Variants in PRKN observed in about 807,000 individuals in gnomAD.
PRKN encodes the protein E3 ubiquitin-protein ligase parkin.
Under a neutral mutation model 59.5 loss-of-function variants are expected in PRKN, and 56 were observed. The ratio of observed to expected loss-of-function variants is 0.94; its 90% confidence interval spans 0.76 to 1.18. The LOEUF (loss-of-function observed/expected upper bound fraction) is 1.18, where lower values mean the gene tolerates loss of function less well. Ranked by LOEUF, PRKN falls within the 50% of genes most tolerant of loss-of-function variation. The pLI is 0.00. For missense variants in PRKN, 657 were observed against 596.4 expected (o/e 1.10, Z -1.06); for synonymous variants, 250 against 222.1 (o/e 1.13, Z -1.12).
chr6:162,241,175 T>G (rs80326076), intron 3 of PRKN, among the ~76,000 whole-genome samples: 2 of 150,892 alleles, frequency 1.3e-5, no homozygotes, highest in Admixed American at 1.3e-4. Flanking sequence ...ATTACTGTTA[T>G]CATCATCATT....
chr6:161,774,012 T>C (rs905721170), intron 7 of PRKN, among the ~76,000 whole-genome samples: 1 of 152,080 alleles, frequency 6.6e-6, no homozygotes, highest in Admixed American at 6.6e-5. Context: ...CAGGCAAACA[T>C]AAAATTCTGT....
intron 1 of PRKN, among the ~76,000 whole-genome samples, chr6:162,542,978 C>G (rs1778983324): frequency 6.6e-6 from 1 of 152,116 alleles, no homozygotes; most frequent in Admixed American, 6.5e-5. Flanking sequence ...GGTCGACTCC[C>G]CCCAGGACTG....
At chr6:162,514,163 A>G (rs1777747421) in intron 1 of PRKN, among the ~76,000 whole-genome samples, 1 of 152,324 alleles carries the variant, frequency 6.6e-6, no homozygotes, top group Admixed American at 6.5e-5. Flanking sequence ...AAAAAAATAT[A>G]AAATATGAAA....
Position 161,461,992 on chromosome 6 carries a change from G to A in PRKN, c.1084-75115C>T, listed in dbSNP as rs1260873932. Among the ~76,000 whole-genome samples, 3 of 152,160 alleles carry A rather than the reference G, an allele frequency of 2.0e-5. No homozygotes were observed. Among genetic ancestry groups the A allele is most frequent in the Non-Finnish European group, 2.9e-5 (2 of 68,040 alleles). On this transcript the variant is annotated intron_variant, in intron 9 of 11. Coordinates refer to ENST00000366898, the MANE Select transcript of PRKN (RefSeq NM_004562.3). The surrounding 1 kb of genome is among the most constrained non-coding windows in gnomAD (Gnocchi z 5.1). ...GGCAGGTGGAAGACTAGCTTGCAAT[G>A]TGGGCTGTGAAGGATGGCAATGGTG...
intron 3 of PRKN, among the ~76,000 whole-genome samples, chr6:162,229,888 T>G (rs1259843854): frequency 1.3e-5 from 2 of 152,230 alleles, no homozygotes; most frequent in Non-Finnish European, 2.9e-5. Context: ...ATTTAATTAC[T>G]TGCTTACTGG....
At chr6:162,349,687 A>C (rs1016997825) in intron 2 of PRKN, among the ~76,000 whole-genome samples, 24 of 152,224 alleles carry the variant, frequency 1.6e-4, no homozygotes, top group African/African-American at 5.8e-4. Context: ...CGGGAAGAGA[A>C]GTAAACTTCC....
At chr6:162,681,976 C>T (rs1306829185) in intron 1 of PRKN, among the ~76,000 whole-genome samples, 5 of 152,040 alleles carry the variant, frequency 3.3e-5, no homozygotes, top group East Asian at 3.9e-4. Context: ...CCTGGACACT[C>T]GCCACTGGTA....
intron 9 of PRKN, among the ~76,000 whole-genome samples, chr6:161,398,294 T>C (rs1481359382): frequency 6.6e-6 from 1 of 152,214 alleles, no homozygotes; most frequent in South Asian, 2.1e-4. Context: ...CCATGAGACA[T>C]GAATTGAAGG....
intron 6 of PRKN, among the ~76,000 whole-genome samples, chr6:161,822,829 T>C (rs541132561): frequency 1.0e-3 from 155 of 152,362 alleles, no homozygotes; most frequent in Non-Finnish European, 1.9e-3. Context: ...AAAAACCCTT[T>C]TATCATAAAT....
chr6:162,421,330 C>T (rs1788952872), intron 2 of PRKN, among the ~76,000 whole-genome samples: 1 of 152,090 alleles, frequency 6.6e-6, no homozygotes, highest in South Asian at 2.1e-4. Flanking sequence ...TTTTATTATC[C>T]CTGTCTTCTC....
intron 1 of PRKN, among the ~76,000 whole-genome samples, chr6:162,663,712 T>TA (rs749285666): frequency 7.2e-5 from 11 of 151,862 alleles, no homozygotes; most frequent in Non-Finnish European, 1.5e-4. Flanking sequence ...TCCTCACTTA[T>TA]AAAAAAGAGA....
chr6:161,481,413 G>C (rs1408097857), intron 9 of PRKN, among the ~76,000 whole-genome samples: 1 of 152,006 alleles, frequency 6.6e-6, no homozygotes, highest in Non-Finnish European at 1.5e-5. Flanking sequence ...GACCATCCTG[G>C]CCAACATGGT....
intron 6 of PRKN, among the ~76,000 whole-genome samples, chr6:161,935,588 G>T (rs1056607112): frequency 1.3e-5 from 2 of 151,010 alleles, no homozygotes; most frequent in African/African-American, 4.9e-5. Context: ...GAAGAAGAAG[G>T]ATAAGACGTG....
chr6:162,089,385 C>G (rs1164637438), intron 4 of PRKN, among the ~76,000 whole-genome samples: 2 of 138,618 alleles, frequency 1.4e-5, no homozygotes, highest in African/African-American at 5.2e-5. Context: ...AAATTTAAAA[C>G]AAACAAGAAA....
chr6:162,475,803 C>G (rs1308140527), intron 1 of PRKN, among the ~76,000 whole-genome samples: 1 of 152,238 alleles, frequency 6.6e-6, no homozygotes, highest in Non-Finnish European at 1.5e-5. Context: ...TCTCAGCTCA[C>G]TGCAGTGGCG....
rs768568929 is a variant in PRKN at position 161,582,971 on chromosome 6, A to AACACACAC, written c.872-13563_872-13556dup. 9.7e-4 allele frequency among the ~76,000 whole-genome samples: 114 copies of AACACACAC among 117,234 alleles called. No homozygotes were observed. The highest frequency in any genetic ancestry group is 2.0e-3 in the South Asian group (6 of 2,960). 76.9% of individuals were successfully genotyped at this position (117,234 alleles called of 152,430 possible). A position where few individuals can be genotyped will look rare whatever the true frequency, so the allele number is the denominator to read the frequency against. ...TCTTTCCAGTGAGATGGCCTATTCC[A>AACACACAC]ACACACACACACACACACACACACA... is the stretch of plus-strand genomic sequence containing the variant. On this transcript the variant is annotated intron_variant, in intron 7 of 11. Transcript: ENST00000366898. The surrounding 1 kb of genome is among the most constrained non-coding windows in gnomAD (Gnocchi z 4.4).
At chr6:161,384,505 T>A (rs1786141059) in intron 10 of PRKN, among the ~76,000 whole-genome samples, 1 of 151,390 alleles carries the variant, frequency 6.6e-6, no homozygotes, top group South Asian at 2.1e-4. Flanking sequence ...ATCATACCAC[T>A]GCACCCCAGC....
intron 7 of PRKN, among the ~76,000 whole-genome samples, chr6:161,571,514 C>G (rs1037448531): frequency 6.6e-5 from 10 of 152,196 alleles, no homozygotes; most frequent in African/African-American, 2.4e-4. Context: ...CATTGCGATA[C>G]AGATTAGATC....
intron 1 of PRKN, among the ~76,000 whole-genome samples, chr6:162,620,428 C>T (rs200916691): frequency 2.5e-5 from 2 of 81,452 alleles, no homozygotes; most frequent in African/African-American, 3.6e-5. Flanking sequence ...AAAATTAAAA[C>T]TCAACATAAG....
Sources: allele counts gnomAD v4.1 joint callset (sites outside exome capture counted in the v4.1 genomes callset), GRCh38; gene constraint gnomAD v4.1.1; non-coding constraint Gnocchi (gnomAD v3.1); transcripts MANE v1.5; gene names NCBI Gene and HGNC (gene_info 2026-07-23, HGNC 2026-07-21).